Variants in SLC25A21 observed in about 807,000 individuals in gnomAD.
The protein encoded by SLC25A21 is mitochondrial 2-oxodicarboxylate carrier.
A neutral mutation model predicts 43.8 loss-of-function variants in SLC25A21; 47 were observed. That is an observed-to-expected ratio of 1.07 (90% CI 0.85 to 1.37). The LOEUF is 1.37. Ranked by LOEUF, SLC25A21 falls within the 40% of genes most tolerant of loss-of-function variation. The pLI, the probability that SLC25A21 is intolerant of heterozygous loss-of-function variation, is 0.00. For synonymous variants in SLC25A21, 131 were observed against 121.3 expected (o/e 1.08, Z -0.52); for missense variants, 352 against 350.2 (o/e 1.00, Z -0.04).
intron 1 of SLC25A21, among the ~76,000 whole-genome samples, chr14:37,149,352 A>G (rs1963719727): frequency 6.6e-6 from 1 of 152,188 alleles, no homozygotes; most frequent in Non-Finnish European, 1.5e-5. Context: ...ATTGCTCTGT[A>G]AAACAAAGTT....
chr14:36,709,098 C>T (rs1040386059), intron 7 of SLC25A21, among the ~76,000 whole-genome samples: 2 of 152,016 alleles, frequency 1.3e-5, no homozygotes, highest in African/African-American at 2.4e-5. Context: ...GCCTCCACCT[C>T]CCAAGTTCAA....
At chr14:36,808,144 G>C (rs980939783) in intron 3 of SLC25A21, among the ~76,000 whole-genome samples, 1 of 152,106 alleles carries the variant, frequency 6.6e-6, no homozygotes. Flanking sequence ...TATTTCTGAA[G>C]GCACCAGCAA....
chr14:36,809,460 C>CTCTCTTTTT (rs1221917138), intron 3 of SLC25A21, among the ~76,000 whole-genome samples: 1 of 152,030 alleles, frequency 6.6e-6, no homozygotes, highest in Admixed American at 6.6e-5. Flanking sequence ...GTTGAAAAGC[C>CTCTCTTTTT]ATGTCTTTCA....
intron 1 of SLC25A21, among the ~76,000 whole-genome samples, chr14:37,040,131 T>C (rs1186521014): frequency 1.3e-5 from 2 of 148,196 alleles, no homozygotes; most frequent in African/African-American, 2.5e-5. Flanking sequence ...CCCCAGGAGG[T>C]GGAAGTTGCA....
At chr14:36,910,918 A>G (rs1432278263) in intron 1 of SLC25A21, among the ~76,000 whole-genome samples, 1 of 152,202 alleles carries the variant, frequency 6.6e-6, no homozygotes, top group East Asian at 1.9e-4. Flanking sequence ...ACGAATTGTT[A>G]CTTATCCTTC....
intron 6 of SLC25A21, among the ~76,000 whole-genome samples, chr14:36,723,512 G>A (rs999034192): frequency 8.5e-5 from 13 of 152,058 alleles, no homozygotes; most frequent in African/African-American, 2.2e-4. Context: ...AAATGACCCC[G>A]AACAAGCTCC....
intron 1 of SLC25A21, among the ~76,000 whole-genome samples, chr14:36,932,169 T>C (rs1362783899): frequency 6.6e-6 from 1 of 152,176 alleles, no homozygotes. Flanking sequence ...GACTATGTGG[T>C]AATTTCTGTT....
chr14:36,812,384 A>C (rs570771618), intron 3 of SLC25A21, among the ~76,000 whole-genome samples: 1 of 151,786 alleles, frequency 6.6e-6, no homozygotes, highest in Non-Finnish European at 1.5e-5. Context: ...GAAAACATGC[A>C]TATCATTTGA....
chr14:36,842,463 A>G (rs1285031270), intron 2 of SLC25A21, among the ~76,000 whole-genome samples: 2 of 152,074 alleles, frequency 1.3e-5, no homozygotes. Flanking sequence ...TCTGGCAGCT[A>G]TTTTGCACCA....
At chr14:37,166,127 C>G (rs940120255) in intron 1 of SLC25A21, among the ~76,000 whole-genome samples, 5 of 152,160 alleles carry the variant, frequency 3.3e-5, no homozygotes, top group Non-Finnish European at 7.3e-5. Context: ...CTAGGATGCA[C>G]AAATCACGGA....
intron 1 of SLC25A21, among the ~76,000 whole-genome samples, chr14:37,059,834 A>G (rs1229586147): frequency 6.6e-6 from 1 of 152,174 alleles, no homozygotes; most frequent in East Asian, 1.9e-4. Flanking sequence ...CTAGAGGGGT[A>G]TCAACCAACA....
intron 1 of SLC25A21, among the ~76,000 whole-genome samples, chr14:37,044,330 TAAAAG>T (rs1335501214): frequency 2.0e-5 from 3 of 152,238 alleles, no homozygotes; most frequent in East Asian, 1.9e-4. Flanking sequence ...TAAAATTACA[TAAAAG>T]AAAAGAAAAA....
At chr14:37,102,076 A>G (rs1962826440) in intron 1 of SLC25A21, among the ~76,000 whole-genome samples, 4 of 152,230 alleles carry the variant, frequency 2.6e-5, no homozygotes, top group Admixed American at 2.6e-4. Flanking sequence ...ATTGGAAAAC[A>G]GTATAACTTT....
intron 6 of SLC25A21, among the ~76,000 whole-genome samples, chr14:36,721,009 G>A (rs536902520): frequency 6.0e-4 from 91 of 152,144 alleles, no homozygotes; most frequent in Non-Finnish European, 1.1e-3. Flanking sequence ...CCCACAACTG[G>A]AGTCAGCTGT....
intron 1 of SLC25A21, among the ~76,000 whole-genome samples, chr14:36,947,333 A>C (rs925010687): frequency 6.6e-6 from 1 of 152,202 alleles, no homozygotes; most frequent in African/African-American, 2.4e-5. Flanking sequence ...TCATAATTTA[A>C]ACCAAAGAGT....
At chr14:36,942,679 T>G (rs1168101903) in intron 1 of SLC25A21, among the ~76,000 whole-genome samples, 2 of 152,142 alleles carry the variant, frequency 1.3e-5, no homozygotes, top group East Asian at 3.9e-4. Flanking sequence ...AAAAGACTTG[T>G]GCAATTTTCT....
rs1237484663 is a variant in SLC25A21, at chr14:36,708,748, T to G, written c.603+2570A>C. On this transcript the variant is annotated intron_variant, in intron 7 of 9. Transcript: ENST00000331299. ...AATCACACCTGGCTAACGTTAGTTT[T>G]TTTTTTTTTTTTTTTTTGTAGCGAT... is the stretch of plus-strand genomic sequence containing the variant. Among the ~76,000 whole-genome samples, 672 of 119,184 alleles carry G rather than the reference T, an allele frequency of 5.6e-3. 4 individuals carry two copies. Among genetic ancestry groups the G allele is most frequent in the African/African-American group, 0.019 (575 of 30,318 alleles). 78.2% of individuals were successfully genotyped at this position (119,184 alleles called of 152,430 possible). A position where few individuals can be genotyped will look rare whatever the true frequency, so the allele number is the denominator to read the frequency against.
intron 7 of SLC25A21, among the ~76,000 whole-genome samples, chr14:36,693,091 C>A (rs1043354763): frequency 2.0e-5 from 3 of 152,212 alleles, no homozygotes; most frequent in Non-Finnish European, 4.4e-5. Context: ...GAGGTGGTAC[C>A]TACGTGAAGC....
intron 1 of SLC25A21, among the ~76,000 whole-genome samples, chr14:36,915,399 G>A (rs1031541688): frequency 8.5e-5 from 13 of 152,098 alleles, no homozygotes; most frequent in Non-Finnish European, 2.9e-5. Context: ...AAAAGGGGTG[G>A]AGACAATTGG....
Sources: gnomAD v4.1 joint callset for allele counts (sites outside exome capture counted in the v4.1 genomes callset) on GRCh38, gnomAD v4.1.1 for gene constraint, MANE v1.5 for transcripts, NCBI Gene and HGNC (gene_info 2026-07-23, HGNC 2026-07-21) for gene names.